The following RASAL1 variants were observed in gnomAD, a reference collection of about 807,000 sequenced individuals.
The protein encoded by RASAL1 is rasGAP-activating-like protein 1.
RASAL1 carries 72 observed loss-of-function variants against 96.6 expected under a neutral mutation model. The observed-to-expected ratio is 0.75, with a 90% CI of 0.62 to 0.91. The LOEUF is 0.91. Among genes scored for constraint, RASAL1 ranks in the 40% least tolerant of loss-of-function variants. RASAL1 has a pLI of 0.00. For synonymous variants in RASAL1, 405 were observed against 430.4 expected, an observed-to-expected ratio of 0.94 and a Z score of 0.73; for missense variants, 1,016 against 1,072.5, an observed-to-expected ratio of 0.95 and a Z score of 0.74.
At chr12:113,116,498 G>T (rs1256830264) in intron 8 of RASAL1, among the ~76,000 whole-genome samples, 1 of 152,216 alleles carries the variant, frequency 6.6e-6, no homozygotes, top group Non-Finnish European at 1.5e-5. Flanking sequence ...AACAAGACAG[G>T]TGTAGGCAGG....
At position 113,105,696 on chromosome 12, in the gene RASAL1, A is replaced by C. The variant is rs754954419; in HGVS notation, c.1830+18T>G. On this transcript the variant is annotated intron_variant, in intron 16 of 20. Transcript: ENST00000548055. ...AGGCCACCCCTGGAAAGCCCTCCAT[A>C]GTGGACTGGAACCCCACCTGCCACT... The C allele has an allele frequency of 1.3e-5, 20 of 1,589,752 alleles. No homozygotes were observed. The highest frequency in any genetic ancestry group is 1.6e-5 in the Non-Finnish European group (19 of 1,165,416).
chr12:113,118,903 C>A (rs941883151), intron 7 of RASAL1, among the ~76,000 whole-genome samples: 62 of 152,168 alleles, frequency 4.1e-4, no homozygotes, highest in African/African-American at 1.5e-3. Flanking sequence ...AGAATCTGGG[C>A]CCGTCCTGTG....
intron 12 of RASAL1, 44 bp from the exon 13 acceptor site, chr12:113,112,322 T>C: frequency 8.0e-7 from 1 of 1,242,540 alleles, no homozygotes; most frequent in East Asian, 3.2e-5. Flanking sequence ...GCACAACATC[T>C]GCCTGCTCCA....
intron 13 of RASAL1, among the ~76,000 whole-genome samples, chr12:113,109,689 C>T (rs2136141278): frequency 6.6e-6 from 1 of 152,318 alleles, no homozygotes; most frequent in Non-Finnish European, 1.5e-5. Context: ...GCGTGTGCCA[C>T]CTTCCTGGGG....
At chr12:113,100,114 AG>A in intron 20 of RASAL1, 46 bp from the exon 21 acceptor site, 1 of 1,528,076 alleles carries the variant, frequency 6.5e-7, no homozygotes, top group Non-Finnish European at 8.8e-7. Context: ...AGTCCAGGGC[AG>A]GCTGCTGTAA....
rs546147229 is a variant in RASAL1 at position 113,116,098 on chromosome 12, G to A, written c.732-47C>T. ...GAAAATGAAAGATCTGGCCGAACACGATGGCTCACGCCTGTAATCCCAGCA... is the reference window on the plus strand; with the variant it reads ...GAAAATGAAAGATCTGGCCGAACACAATGGCTCACGCCTGTAATCCCAGCA... On this transcript the variant is annotated intron_variant, in intron 8 of 20. Transcript: ENST00000548055. 29 of 1,473,610 alleles carry A rather than the reference G, an allele frequency of 2.0e-5. No homozygotes were observed. In the South Asian group the frequency reaches 2.0e-4, roughly 10 times the overall value. 91.3% of individuals were successfully genotyped at this position (1,473,610 alleles called of 1,614,324 possible).
At chr12:113,117,474 C>T (rs1224111485) in intron 7 of RASAL1, among the ~76,000 whole-genome samples, 1 of 152,214 alleles carries the variant, frequency 6.6e-6, no homozygotes, top group Non-Finnish European at 1.5e-5. Context: ...ATTTTCAGCT[C>T]TGTTTAGGGA....
At chr12:113,101,488 C>T (rs1386786194) in intron 19 of RASAL1, among the ~76,000 whole-genome samples, 1 of 152,160 alleles carries the variant, frequency 6.6e-6, no homozygotes, top group Non-Finnish European at 1.5e-5. Context: ...GATTTGAACC[C>T]AGACAGGTCA....
rs1205939613 is a variant in RASAL1 at position 113,119,146 on chromosome 12, C to A, written c.624G>T (p.Lys208Asn). 7 of 1,611,552 alleles carry A rather than the reference C, an allele frequency of 4.3e-6. No individual in the cohort carries two copies. The highest frequency in any genetic ancestry group is 3.4e-6 in the Non-Finnish European group (4 of 1,178,546). The change falls in exon 7 of 21, where the codon AAG (lysine) becomes AAT (asparagine). Residue 208 changes from lysine (K) to asparagine (N), a missense_variant. Transcript: ENST00000548055. Reference protein sequence around the residue: ...VELWDWDMVGKNDFLGMVEFS... With the variant: ...VELWDWDMVGNNDFLGMVEFS... ...GGCTCACCATGCCCAAGAAGTCATT[C>A]TTGCCCACCATGTCCCAGTCCCAGA...
intron 7 of RASAL1, among the ~76,000 whole-genome samples, chr12:113,118,129 C>A (rs1158581681): frequency 6.6e-6 from 1 of 152,086 alleles, no homozygotes; most frequent in African/African-American, 2.4e-5. Flanking sequence ...GAGACTGAGG[C>A]AAAATAATTC....
chr12:113,107,391 A>C, intron 14 of RASAL1, 150 bp from the exon 15 acceptor site: 3 of 896,958 alleles, frequency 3.3e-6, no homozygotes, highest in South Asian at 1.7e-5. Flanking sequence ...GGGAGGCCGA[A>C]GTAAGCGGAT....
chr12:113,104,369 T>C, intron 16 of RASAL1, 71 bp from the exon 17 acceptor site: 1 of 1,442,734 alleles, frequency 6.9e-7, no homozygotes, highest in Non-Finnish European at 9.4e-7. Flanking sequence ...TTCCGTCTGG[T>C]TGTGTGCAGC....
chr12:113,112,104 G>T lies in RASAL1; in HGVS notation c.1356C>A (p.Phe452Leu), dbSNP rs377165995. 3 of 1,243,728 alleles carry T rather than the reference G, an allele frequency of 2.4e-6. No individual in the cohort carries two copies. The African/African-American group carries it at 4.7e-5, about 19-fold the overall frequency. 77.0% of individuals were successfully genotyped at this position (1,243,728 alleles called of 1,614,324 possible). A position where few individuals can be genotyped will look rare whatever the true frequency, so the allele number is the denominator to read the frequency against. Residue 452 changes from phenylalanine (F) to leucine (L), a missense_variant, in exon 13 of 21, where the codon TTC (phenylalanine) becomes TTA (leucine). By Grantham distance (22) the Phe-to-Leu change is conservative. Transcript: ENST00000548055. ...KQLHRRVEER[F>L]PQAEHQDVKY... The stretch of plus-strand genomic sequence containing the variant: ...GGCGCACCTGGTGCTCGGCCTGGGG[G>T]AAGCGCTCCTCCACTCGCCGGTGCA...
chr12:113,108,510 A>G (rs1950729909), intron 13 of RASAL1, among the ~76,000 whole-genome samples: 1 of 152,234 alleles, frequency 6.6e-6, no homozygotes, highest in Admixed American at 6.5e-5. Flanking sequence ...AGAGGGAGGC[A>G]CCATCATGAG....
chr12:113,128,243 CAG>C (rs1951567866), intron 2 of RASAL1, 65 bp from the exon 3 acceptor site: 16 of 748,472 alleles, frequency 2.1e-5, no homozygotes, highest in Non-Finnish European at 2.7e-5. Context: ...CCTGGAGACC[CAG>C]ACACACACAC....
chr12:113,103,265 C>T (rs1429466965), intron 18 of RASAL1, among the ~76,000 whole-genome samples: 2 of 149,460 alleles, frequency 1.3e-5, no homozygotes, highest in Admixed American at 1.3e-4. Flanking sequence ...CATTGTAATA[C>T]ATTGTTATAC....
intron 15 of RASAL1, among the ~76,000 whole-genome samples, chr12:113,106,147 C>A (rs148805987): frequency 3.0e-4 from 45 of 152,274 alleles, no homozygotes; most frequent in African/African-American, 1.1e-3. Flanking sequence ...TGCAGGCAGC[C>A]AGCAGGGGCA....
chr12:113,108,312 G>T (rs1003635138), intron 13 of RASAL1, 90 bp from the exon 14 acceptor site: 58 of 1,435,164 alleles, frequency 4.0e-5, no homozygotes, highest in Non-Finnish European at 5.3e-5. Flanking sequence ...AATTCGTGGT[G>T]CAAAGAGAAG....
At chr12:113,122,900 A>T (rs1027390312) in intron 4 of RASAL1, among the ~76,000 whole-genome samples, 1 of 152,132 alleles carries the variant, frequency 6.6e-6, no homozygotes, top group East Asian at 1.9e-4. Context: ...AAACCTCCAC[A>T]GTTATTTTCC....
Sources: allele counts gnomAD v4.1 joint callset (sites outside exome capture counted in the v4.1 genomes callset), GRCh38; gene constraint gnomAD v4.1.1; transcripts MANE v1.5; gene names NCBI Gene and HGNC (gene_info 2026-07-23, HGNC 2026-07-21).